Variants in CCDC158 observed in about 807,000 individuals in gnomAD.
CCDC158 encodes coiled-coil domain-containing protein 158.
CCDC158 carries 116 observed loss-of-function variants against 138.6 expected under a neutral mutation model. The observed-to-expected ratio is 0.84, with a 90% CI of 0.72 to 0.98. CCDC158 has a LOEUF of 0.98. Ranked by LOEUF, CCDC158 falls within the 50% of genes least tolerant of loss-of-function variation. The pLI, the probability that CCDC158 is intolerant of heterozygous loss-of-function variation, is 0.00. For missense variants in CCDC158, 1,265 were observed against 1,306.1 expected (o/e 0.97, Z 0.48); for synonymous variants, 436 against 442.4 (o/e 0.99, Z 0.18).
At chr4:76,335,444 T>G (rs536854820) in intron 18 of CCDC158, among the ~76,000 whole-genome samples, 1 of 152,324 alleles carries the variant, frequency 6.6e-6, no homozygotes, top group East Asian at 1.9e-4. Flanking sequence ...TTGTTAAAAT[T>G]TTTGAGCCAT....
chr4:76,347,225 C>T (rs1390340414), intron 18 of CCDC158, among the ~76,000 whole-genome samples: 1 of 152,146 alleles, frequency 6.6e-6, no homozygotes, highest in East Asian at 1.9e-4. Context: ...GACACATGCA[C>T]ATGTATGTTT....
At chr4:76,313,274 T>C (rs1221844157) in intron 24 of CCDC158, 28 bp from the exon 25 acceptor site, 1 of 1,393,980 alleles carries the variant, frequency 7.2e-7, no homozygotes, top group Admixed American at 1.8e-5. Context: ...ACAGTTAGAA[T>C]AACAAAATCT....
At chr4:76,419,723 T>C (rs950764766) in intron 1 of CCDC158, among the ~76,000 whole-genome samples, 8 of 151,846 alleles carry the variant, frequency 5.3e-5, no homozygotes, top group African/African-American at 1.9e-4. Context: ...ACCTAGATAA[T>C]TCACGATAAT....
chr4:76,383,628 G>A lies in CCDC158; in HGVS notation c.803+34C>T, dbSNP rs17001887. The A allele has an allele frequency of 5.8e-3, 8,727 of 1,493,492 alleles. 393 individuals are homozygous for A. In the African/African-American group the frequency reaches 0.1, roughly 18 times the overall value. The allele number at this position is 1,493,492 out of a possible 1,614,324, so 92.5% of individuals were successfully genotyped here. A position where few individuals can be genotyped will look rare whatever the true frequency, so the allele number is the denominator to read the frequency against. On this transcript the variant is annotated intron_variant, in intron 7 of 24. Coordinates refer to ENST00000682701, the MANE Select transcript of CCDC158 (RefSeq NM_001394954.1). ...CACTGTAAAACTGTGGTTTAGTTTC[G>A]CTAGGCTTTTCCATACCTCAGTCAG...
At chr4:76,367,823 A>G in intron 11 of CCDC158, 47 bp from the exon 12 acceptor site, 1 of 1,531,118 alleles carries the variant, frequency 6.5e-7, no homozygotes, top group Non-Finnish European at 8.8e-7. Flanking sequence ...GAGGATAGGT[A>G]TAGGCAACCT....
intron 4 of CCDC158, among the ~76,000 whole-genome samples, chr4:76,388,118 G>C (rs1365572055): frequency 6.6e-6 from 1 of 152,180 alleles, no homozygotes; most frequent in Non-Finnish European, 1.5e-5. Flanking sequence ...TCTGAGATGT[G>C]CTGGCTTCCG....
chr4:76,402,032 C>G (rs1157477930), intron 3 of CCDC158: 2 of 152,166 alleles, frequency 1.3e-5, no homozygotes, highest in Non-Finnish European at 2.9e-5. Context: ...AACAACAGAT[C>G]AGTAACTGAG....
intron 18 of CCDC158, chr4:76,345,185 T>C (rs1722422872): frequency 1.0e-6 from 1 of 975,858 alleles, no homozygotes; most frequent in Admixed American, 1.7e-5. Context: ...TGAAGGTTGC[T>C]GTGCTATTTG....
intron 21 of CCDC158, among the ~76,000 whole-genome samples, chr4:76,329,593 A>G (rs1157487013): frequency 6.6e-6 from 1 of 152,162 alleles, no homozygotes; most frequent in Non-Finnish European, 1.5e-5. Flanking sequence ...CAAATAAATA[A>G]ATAAATGACA....
intron 18 of CCDC158, among the ~76,000 whole-genome samples, chr4:76,335,036 A>G (rs1375835483): frequency 3.3e-5 from 5 of 152,250 alleles, no homozygotes; most frequent in Admixed American, 3.3e-4. Context: ...TGAGAGTTCC[A>G]ACTCACTGAA....
intron 4 of CCDC158, among the ~76,000 whole-genome samples, chr4:76,392,771 A>G (rs961321851): frequency 3.9e-5 from 6 of 151,974 alleles, no homozygotes; most frequent in African/African-American, 1.4e-4. Flanking sequence ...TGTTAGAACT[A>G]ATAAGCAAAT....
At chr4:76,394,512 G>C (rs913139176) in intron 4 of CCDC158, among the ~76,000 whole-genome samples, 1 of 151,762 alleles carries the variant, frequency 6.6e-6, no homozygotes, top group African/African-American at 2.4e-5. Context: ...AGGAGAAGTG[G>C]GGATGGTTAA....
chr4:76,378,170 C>T (rs1725890477), intron 9 of CCDC158, among the ~76,000 whole-genome samples: 1 of 152,090 alleles, frequency 6.6e-6, no homozygotes, highest in East Asian at 1.9e-4. Flanking sequence ...CATGCGCGAG[C>T]CAAGTAGAAA....
chr4:76,382,852 A>AGC, intron 7 of CCDC158, 132 bp from the exon 8 acceptor site: 2 of 593,930 alleles, frequency 3.4e-6, no homozygotes, highest in Non-Finnish European at 5.8e-6. Flanking sequence ...CTACTCTTTT[A>AGC]ATAACAAGTG....
chr4:76,351,714 CCTTA>C lies in CCDC158; in HGVS notation c.2538+2_2538+5del, dbSNP rs781545404. The stretch of plus-strand genomic sequence containing the variant: ...TCGCTTAAACTAATATTTATGATGA[CCTTA>C]CTTTTATATCCAAAGTGTGTTGAAG... On this transcript the variant is annotated splice_donor_variant and splice_donor_5th_base_variant and intron_variant, in intron 17 of 24. Transcript: ENST00000682701. LOFTEE classifies it high-confidence loss of function. 5 of 1,576,900 alleles carry C rather than the reference CCTTA, an allele frequency of 3.2e-6. No individual in the cohort carries two copies. The South Asian group carries it at 5.6e-5, about 18-fold the overall frequency.
intron 18 of CCDC158, chr4:76,344,940 G>T (rs1722400176): frequency 1.3e-6 from 2 of 1,521,816 alleles, no homozygotes; most frequent in Admixed American, 1.7e-5. Flanking sequence ...TTCTTCAAAA[G>T]TGTGGTGAAA....
intron 4 of CCDC158, among the ~76,000 whole-genome samples, chr4:76,388,332 C>A (rs2109796746): frequency 6.6e-6 from 1 of 152,210 alleles, no homozygotes; most frequent in East Asian, 1.9e-4. Context: ...CATTTCTGGA[C>A]CTGCCCTGTG....
chr4:76,337,416 G>C (rs1031675430), intron 18 of CCDC158, among the ~76,000 whole-genome samples: 4 of 152,154 alleles, frequency 2.6e-5, no homozygotes, highest in African/African-American at 9.7e-5. Flanking sequence ...TATAAAATGA[G>C]CAAAATACAC....
chr4:76,404,425 A>G (rs963249840), intron 2 of CCDC158, among the ~76,000 whole-genome samples: 3 of 152,192 alleles, frequency 2.0e-5, no homozygotes, highest in Non-Finnish European at 2.9e-5. Context: ...TAATACTCCA[A>G]ACTGAACCCA....
Sources: allele counts gnomAD v4.1 joint callset (sites outside exome capture counted in the v4.1 genomes callset), GRCh38; gene constraint gnomAD v4.1.1; transcripts MANE v1.5; gene names NCBI Gene and HGNC (gene_info 2026-07-23, HGNC 2026-07-21).